Variants in ZNF606 observed in about 807,000 individuals in gnomAD.
ZNF606 encodes the protein zinc finger protein 328.
Under a neutral mutation model 74.9 loss-of-function variants are expected in ZNF606, and 37 were observed. That is an observed-to-expected ratio of 0.49 (90% CI 0.38 to 0.65). The LOEUF (loss-of-function observed/expected upper bound fraction) is 0.65. Among genes scored for constraint, ZNF606 ranks in the 30% least tolerant of loss-of-function variants. ZNF606 has a pLI of 0.00. For missense variants in ZNF606, 852 were observed against 952.9 expected (o/e 0.89, Z 1.39); for synonymous variants, 328 against 312.4 (o/e 1.05, Z -0.53).
rs755642267 is a variant in ZNF606 at position 58,002,441 on chromosome 19, C to A, written c.-97G>T. The A allele has an allele frequency of 1.5e-5, 7 of 455,484 alleles. No individual in the cohort carries two copies. Among genetic ancestry groups the A allele is most frequent in the East Asian group, 7.0e-5 (1 of 14,344 alleles). 28.2% of individuals were successfully genotyped at this position (455,484 alleles called of 1,614,324 possible). A position where few individuals can be genotyped will look rare whatever the true frequency, so the allele number is the denominator to read the frequency against. On this transcript the variant is annotated 5_prime_UTR_variant, in exon 1 of 7. Coordinates refer to ENST00000551380, the MANE Select transcript of ZNF606 (RefSeq NM_001348022.3). The stretch of plus-strand genomic sequence containing the variant: ...CCCCTTGAAGGCGGCGCAGCAGGAT[C>A]GGGGTCTGCCCGCCTGGGGCGTTTG...
rs2073006540 is a variant in ZNF606, at chr19:57,977,407, A to G, written c.*894T>C. The G allele has an allele frequency of 1.3e-5, 2 of 152,228 alleles. No individual in the cohort carries two copies. The highest frequency in any genetic ancestry group is 1.3e-4 in the Admixed American group (2 of 15,274). 9.4% of individuals were successfully genotyped at this position (152,228 alleles called of 1,614,324 possible). A position where few individuals can be genotyped will look rare whatever the true frequency, so the allele number is the denominator to read the frequency against. ...TTTGTAAAACTTTTTAAAAATCTCA[A>G]CTGGGTTAACTTTTCCATGGATCTT... On this transcript the variant is annotated 3_prime_UTR_variant, in exon 7 of 7. Coordinates refer to ENST00000551380, the MANE Select transcript of ZNF606 (RefSeq NM_001348022.3).
At position 58,000,850 on chromosome 19, in the gene ZNF606, A is replaced by G. The variant is rs2073415427; in HGVS notation, c.32-111T>C. 7 of 1,024,084 alleles carry G rather than the reference A, an allele frequency of 6.8e-6. No individual in the cohort carries two copies. The South Asian group carries it at 1.3e-4, about 19-fold the overall frequency. The allele number at this position is 1,024,084 out of a possible 1,614,324, so 63.4% of individuals were successfully genotyped here. On this transcript the variant is annotated intron_variant, in intron 2 of 6. Transcript: ENST00000551380. ...GGGCACTACAAAATTCCATAAACAGAGCCCAAGGGTGTGTAAAAAAAATGC... is the reference window on the plus strand; with the variant it reads ...GGGCACTACAAAATTCCATAAACAGGGCCCAAGGGTGTGTAAAAAAAATGC...
In ZNF606 at chr19:58,000,042, G is replaced by A. The variant is rs574226702; in HGVS notation, c.89-146C>T. ...CTCATTCTATAGATGAAGGAATTAG[G>A]GCTCAGAGAAGGTTAGGAAAGTACC... is the stretch of plus-strand genomic sequence containing the variant. On this transcript the variant is annotated intron_variant, in intron 3 of 6. Transcript: ENST00000551380. The A allele has an allele frequency of 5.5e-4, 374 of 683,884 alleles. 2 individuals are homozygous for A. The highest frequency in any genetic ancestry group is 6.9e-4 in the Non-Finnish European group (284 of 414,440). 42.4% of individuals were successfully genotyped at this position (683,884 alleles called of 1,614,324 possible).
intron 6 of ZNF606, among the ~76,000 whole-genome samples, chr19:57,982,773 C>T (rs1337263235): frequency 6.6e-6 from 1 of 152,176 alleles, no homozygotes; most frequent in East Asian, 1.9e-4. Flanking sequence ...AACAGGACTA[C>T]AGGCATGAAT....
intron 6 of ZNF606, among the ~76,000 whole-genome samples, chr19:57,987,032 G>GT (rs1425879334): frequency 2.6e-5 from 4 of 152,284 alleles, no homozygotes; most frequent in South Asian, 2.1e-4. Context: ...AGAGGCTGCA[G>GT]TAAGTCAAGA....
chr19:57,989,227 A>G (rs2073213501), intron 4 of ZNF606, among the ~76,000 whole-genome samples: 1 of 152,134 alleles, frequency 6.6e-6, no homozygotes, highest in African/African-American at 2.4e-5. Flanking sequence ...TCTCTGTCCC[A>G]AGGACTGAAG....
chr19:57,979,855 T>C lies in ZNF606; in HGVS notation c.825A>G (p.Gln275=), dbSNP rs202081501. ...TTTGTATTCTTGCAGGGTAAATAGG[T>C]TGAATGGACTGATAAACAGTTTTGT... is the stretch of plus-strand genomic sequence containing the variant. The part of the protein sequence containing the change: ...DYDKTVYQSI[Q]PIYPARIQTG... Residue 275 remains glutamine, a synonymous_variant, in exon 7 of 7, where the codon CAA becomes CAG. Transcript: ENST00000551380. The C allele has an allele frequency of 9.2e-4, 1,486 of 1,613,674 alleles. 35 individuals carry two copies. In the South Asian group the frequency reaches 0.015, roughly 16 times the overall value.
chr19:57,983,824 C>A (rs1166074252), intron 6 of ZNF606, among the ~76,000 whole-genome samples: 2 of 143,960 alleles, frequency 1.4e-5, no homozygotes, highest in Non-Finnish European at 3.1e-5. Flanking sequence ...GATAAGGATA[C>A]CTGCTGAATA....
At chr19:58,000,446 C>T (rs985559735) in intron 3 of ZNF606, 20 of 610,848 alleles carry the variant, frequency 3.3e-5, no homozygotes, top group Admixed American at 7.6e-5. Context: ...AGGATGGTCT[C>T]GATCTCCTGA....
At position 57,980,093 on chromosome 19, in the gene ZNF606, T is replaced by G. The variant is rs201788481; in HGVS notation, c.587A>C (p.Gln196Pro). The G allele has an allele frequency of 5.0e-6, 8 of 1,613,974 alleles. No individual in the cohort carries two copies. The South Asian group carries it at 8.8e-5, about 18-fold the overall frequency. ...YHMNQSTAMR[Q>P]MVFMQKQVLS... ...TACTTGCTTTTGCATGAAGACCATC[T>G]GCCTCATAGCTGTACTCTGGTTCAT... Residue 196 changes from glutamine to proline, a missense_variant, in exon 7 of 7, where the codon CAG (glutamine) becomes CCG (proline). This residue lies in a region of ZNF606 where 545 missense variants were observed against 542.5 expected (regional missense o/e 1.00). Coordinates refer to ENST00000551380, the MANE Select transcript of ZNF606 (RefSeq NM_001348022.3).
At chr19:57,998,338 T>C (rs2073367939) in intron 4 of ZNF606, 1 of 152,182 alleles carries the variant, frequency 6.6e-6, no homozygotes, top group Non-Finnish European at 1.5e-5. Flanking sequence ...GTAATTACAT[T>C]GTAATTACAC....
chr19:58,001,661 T>C (rs2073430980), intron 1 of ZNF606, among the ~76,000 whole-genome samples: 2 of 152,006 alleles, frequency 1.3e-5, no homozygotes, highest in South Asian at 4.1e-4. Flanking sequence ...AATCTGACAA[T>C]TATTGTAAAA....
intron 4 of ZNF606, among the ~76,000 whole-genome samples, chr19:57,997,223 T>A (rs1480088750): frequency 6.6e-6 from 1 of 152,214 alleles, no homozygotes; most frequent in Admixed American, 6.5e-5. Context: ...AATGCTTCCG[T>A]ATTTGGAAAG....
At chr19:57,991,861 CA>C (rs1310727903) in intron 4 of ZNF606, among the ~76,000 whole-genome samples, 1 of 152,148 alleles carries the variant, frequency 6.6e-6, no homozygotes, top group African/African-American at 2.4e-5. Flanking sequence ...TGCACTTTCA[CA>C]GAGCAATGGC....
chr19:57,997,503 C>G (rs2073356482), intron 4 of ZNF606: 1 of 152,210 alleles, frequency 6.6e-6, no homozygotes, highest in African/African-American at 2.4e-5. Context: ...TAGTTAAAAA[C>G]ACACAGCAGT....
At chr19:57,980,430 G>A (rs926031216) in intron 6 of ZNF606, 151 bp from the exon 7 acceptor site, 8 of 732,712 alleles carry the variant, frequency 1.1e-5, no homozygotes, top group Non-Finnish European at 1.5e-5. Flanking sequence ...ATCATAATAG[G>A]GAAAAGAATA....
intron 4 of ZNF606, among the ~76,000 whole-genome samples, chr19:57,992,982 C>G (rs1480401004): frequency 6.6e-6 from 1 of 152,158 alleles, no homozygotes; most frequent in Non-Finnish European, 1.5e-5. Flanking sequence ...AGAGGGATTA[C>G]CCTGGATTAT....
chr19:58,002,328 T>C (rs1369126137), intron 1 of ZNF606, 68 bp downstream of exon 1: 1 of 456,666 alleles, frequency 2.2e-6, no homozygotes, highest in Non-Finnish European at 4.4e-6. Flanking sequence ...CTTCCAGAGC[T>C]CCCGACCCAA....
In ZNF606 at chr19:57,998,457, G is replaced by C. The variant is rs193240290; in HGVS notation, c.177+1351C>G. The C allele has an allele frequency of 4.6e-5, 7 of 152,244 alleles. No individual in the cohort carries two copies. The East Asian group carries it at 1.4e-3, about 29-fold the overall frequency. 9.4% of individuals were successfully genotyped at this position (152,244 alleles called of 1,614,324 possible). A position where few individuals can be genotyped will look rare whatever the true frequency, so the allele number is the denominator to read the frequency against. On this transcript the variant is annotated intron_variant, in intron 4 of 6. Transcript: ENST00000551380. The stretch of plus-strand genomic sequence containing the variant: ...ACATTATGCTAAGTGAAAAAAGCCA[G>C]ACAAAAAAGGCTGTGCCATATTATG...
Sources: allele counts gnomAD v4.1 joint callset (sites outside exome capture counted in the v4.1 genomes callset), GRCh38; gene constraint gnomAD v4.1.1; regional missense constraint gnomAD v4.1.1; transcripts MANE v1.5; gene names NCBI Gene and HGNC (gene_info 2026-07-23, HGNC 2026-07-21).